Variants in ODF2 observed in about 807,000 individuals in gnomAD.
ODF2 encodes outer dense fiber protein 2.
A neutral mutation model predicts 110.2 loss-of-function variants in ODF2; 47 were observed. The observed-to-expected ratio is 0.43, with a 90% CI of 0.34 to 0.54. ODF2 has a LOEUF of 0.54. Ranked by LOEUF, ODF2 falls within the 20% of genes least tolerant of loss-of-function variation. The pLI, the probability that ODF2 is intolerant of heterozygous loss-of-function variation, is 0.03. For missense variants in ODF2, 812 were observed against 1,054.5 expected, an observed-to-expected ratio of 0.77 and a Z score of 3.19; for synonymous variants, 352 against 397.7, an observed-to-expected ratio of 0.89 and a Z score of 1.37.
At chr9:128,467,321 T>TA (rs1157884083) in intron 4 of ODF2, among the ~76,000 whole-genome samples, 1 of 151,816 alleles carries the variant, frequency 6.6e-6, no homozygotes, top group Non-Finnish European at 1.5e-5. Context: ...ACGGTAAAAA[T>TA]ACGGTGTTTT....
At chr9:128,469,391 A>G in intron 5 of ODF2, 38 bp downstream of exon 5, 1 of 1,602,418 alleles carries the variant, frequency 6.2e-7, no homozygotes, top group Non-Finnish European at 8.5e-7. Flanking sequence ...TACTACCCTG[A>G]GGATGTGCAG....
chr9:128,481,070 A>T (rs1842306345), intron 8 of ODF2, among the ~76,000 whole-genome samples: 1 of 152,140 alleles, frequency 6.6e-6, no homozygotes, highest in Non-Finnish European at 1.5e-5. Context: ...CCTCAAACTA[A>T]TAGCAGTAGG....
chr9:128,492,330 G>A (rs1469091734), intron 14 of ODF2, 96 bp from the exon 15 acceptor site: 2 of 823,468 alleles, frequency 2.4e-6, no homozygotes, highest in Admixed American at 1.9e-5. Context: ...AGAGTAGGGG[G>A]CCTTTCCTTT....
In ODF2 at chr9:128,498,435, C is replaced by T. The variant is rs1846028823; in HGVS notation, c.2035C>T (p.Gln679Ter). 3 of 1,605,146 alleles carry T rather than the reference C, an allele frequency of 1.9e-6. No homozygotes were observed. Among genetic ancestry groups the T allele is most frequent in the Non-Finnish European group, 2.6e-6 (3 of 1,175,524 alleles). Residue 679 changes from glutamine to a stop codon, truncating the protein, a stop_gained, in exon 19 of 21, where the codon CAG becomes TAG. Coordinates refer to ENST00000604420, the Ensembl canonical transcript of ODF2. LOFTEE classifies it high-confidence loss of function. Reference sequence around the variant, plus strand: ...TAGGAAACTGGAGGCGACCAGTGCCCAGAATATCGAGTTCCTACAGGTGAT... The same window carrying T: ...TAGGAAACTGGAGGCGACCAGTGCCTAGAATATCGAGTTCCTACAGGTGAT...
chr9:128,457,467 G>A (rs202012381), intron 2 of ODF2: 85 of 1,581,202 alleles, frequency 5.4e-5, no homozygotes, highest in Non-Finnish European at 2.9e-5. Flanking sequence ...CGCCTGCGCC[G>A]GAGGGCAGGG....
At chr9:128,457,179 T>A in intron 1 of ODF2, 3 of 1,488,044 alleles carry the variant, frequency 2.0e-6, no homozygotes, top group Non-Finnish European at 1.8e-6. Context: ...GCCTCTACTA[T>A]TTCCCCCTAC....
At chr9:128,478,988 G>A (rs1007458557) in intron 8 of ODF2, among the ~76,000 whole-genome samples, 1 of 152,174 alleles carries the variant, frequency 6.6e-6, no homozygotes, top group Admixed American at 6.6e-5. Context: ...GGGGGCTTTG[G>A]TGAGTTCATG....
At position 128,485,374 on chromosome 9, in the gene ODF2, G is replaced by A. The variant is rs765094504; in HGVS notation, c.1300G>A (p.Val434Ile). The change falls in exon 13 of 21, where the codon GTC becomes ATC. Residue 434 changes from valine to isoleucine, a missense_variant. Around this residue, in one of 5 missense-constraint regions of ODF2, gnomAD observed 165 missense variants for 293.4 expected, o/e 0.56. Transcript: ENST00000604420. The surrounding 1 kb of genome is among the most constrained non-coding windows in gnomAD (Gnocchi z 5.0). ...TGTCCCGTGTTCCCAGGATCTTTAT[G>A]TCGCTGAAGCTTTATCCACTCTGGA... is the stretch of plus-strand genomic sequence containing the variant. 6.3e-7 allele frequency: 1 copy of A among 1,597,072 alleles called. No individual in the cohort carries two copies. Among genetic ancestry groups the A allele is most frequent in the South Asian group, 1.1e-5 (1 of 90,338 alleles).
chr9:128,476,654 T>C (rs1216698352), intron 8 of ODF2, among the ~76,000 whole-genome samples: 1 of 150,236 alleles, frequency 6.7e-6, no homozygotes, highest in East Asian at 2.0e-4. Context: ...TTTTTTTTTC[T>C]TGAGACAGAG....
chr9:128,492,384 G>A lies in ODF2; in HGVS notation c.1537-42G>A, dbSNP rs766418700. On this transcript the variant is annotated intron_variant, in intron 14 of 20. Coordinates refer to ENST00000604420, the Ensembl canonical transcript of ODF2. Reference sequence around the variant, plus strand: ...GTTGAGGGTAGGAGGTCCACCTGAAGCAGAACCTTCCTGTGGGTTACTCAT... The same window carrying A: ...GTTGAGGGTAGGAGGTCCACCTGAAACAGAACCTTCCTGTGGGTTACTCAT... 2.9e-5 allele frequency: 40 copies of A among 1,401,952 alleles called. No homozygotes were observed. In the East Asian group the frequency reaches 9.1e-4, roughly 32 times the overall value. 86.8% of individuals were successfully genotyped at this position (1,401,952 alleles called of 1,614,324 possible). A position where few individuals can be genotyped will look rare whatever the true frequency, so the allele number is the denominator to read the frequency against.
intron 5 of ODF2, among the ~76,000 whole-genome samples, chr9:128,469,839 C>T (rs761428101): frequency 6.7e-6 from 1 of 149,410 alleles, no homozygotes; most frequent in Non-Finnish European, 1.5e-5. Flanking sequence ...CAAAAATTAG[C>T]CATGCGTGGT....
chr9:128,456,127 G>A (rs1011645612), upstream of ODF2: 4 of 1,547,800 alleles, frequency 2.6e-6, no homozygotes, highest in Admixed American at 2.0e-5. Context: ...GGAAAAGGAG[G>A]CGGAAGCGGG....
chr9:128,491,093 G>A (rs548427603), intron 14 of ODF2, among the ~76,000 whole-genome samples: 26 of 151,308 alleles, frequency 1.7e-4, no homozygotes, highest in Middle Eastern at 3.4e-3. Context: ...CCTCCAGGCT[G>A]GAGTGCAGTG....
In ODF2 at chr9:128,482,937, C is replaced by G. The variant is rs573032818; in HGVS notation, c.987+50C>G. 6.1e-6 allele frequency: 9 copies of G among 1,479,942 alleles called. No individual in the cohort carries two copies. In the African/African-American group the frequency reaches 8.4e-5, roughly 14 times the overall value. The allele number at this position is 1,479,942 out of a possible 1,614,324, so 91.7% of individuals were successfully genotyped here. A position where few individuals can be genotyped will look rare whatever the true frequency, so the allele number is the denominator to read the frequency against. ...TTTTAGACGGAGTCTCGCTCTGTCGCCAGGCTGGAGTGCAATGGCGCGATC... is the reference window on the plus strand; with the variant it reads ...TTTTAGACGGAGTCTCGCTCTGTCGGCAGGCTGGAGTGCAATGGCGCGATC... On this transcript the variant is annotated intron_variant, in intron 10 of 20. Transcript: ENST00000604420.
At chr9:128,480,987 TGTACA>T (rs1346237790) in intron 8 of ODF2, among the ~76,000 whole-genome samples, 2 of 152,122 alleles carry the variant, frequency 1.3e-5, no homozygotes, top group African/African-American at 4.8e-5. Context: ...TACAGTATTC[TGTACA>T]GTATTTTCAA....
At chr9:128,468,516 A>G (rs187701313) in intron 4 of ODF2, among the ~76,000 whole-genome samples, 4 of 151,624 alleles carry the variant, frequency 2.6e-5, no homozygotes, top group Admixed American at 2.0e-4. Context: ...GGCATGTGCC[A>G]CTACACCCAC....
intron 18 of ODF2, chr9:128,498,091 A>C: frequency 1.1e-5 from 2 of 190,118 alleles, no homozygotes; most frequent in East Asian, 2.5e-4. Context: ...CAGTTTCTTC[A>C]TTTCTGAAGT....
intron 4 of ODF2, among the ~76,000 whole-genome samples, chr9:128,467,247 A>G (rs534899297): frequency 1.1e-3 from 166 of 151,070 alleles, no homozygotes; most frequent in African/African-American, 3.5e-3. Flanking sequence ...CGTACAGAAT[A>G]CTGTAGGCAA....
intron 13 of ODF2, 109 bp from the exon 14 acceptor site, chr9:128,487,781 C>A: frequency 7.5e-7 from 1 of 1,328,024 alleles, no homozygotes; most frequent in Admixed American, 2.1e-5. Flanking sequence ...AGCGAGACTC[C>A]GTCTAAAAAA....
Sources: gnomAD v4.1 joint callset for allele counts (sites outside exome capture counted in the v4.1 genomes callset) on GRCh38, gnomAD v4.1.1 for gene constraint, gnomAD v4.1.1 regional missense constraint, Gnocchi (gnomAD v3.1) non-coding constraint, MANE v1.5 for transcripts, NCBI Gene and HGNC (gene_info 2026-07-23, HGNC 2026-07-21) for gene names.